The following KSR2 variants were observed in gnomAD, a reference collection of about 807,000 sequenced individuals.
KSR2 encodes kinase suppressor of ras 2.
In KSR2, 25 loss-of-function variants were observed where a neutral mutation model predicts 107.8. That is an observed-to-expected ratio of 0.23 (90% CI 0.17 to 0.32). The LOEUF (loss-of-function observed/expected upper bound fraction) is 0.32, where lower values mean the gene tolerates loss of function less well. Ranked by LOEUF, KSR2 falls within the 10% of genes least tolerant of loss-of-function variation. The pLI is 1.00. For synonymous variants in KSR2, 480 were observed against 507.0 expected, an observed-to-expected ratio of 0.95 and a Z score of 0.71; for missense variants, 887 against 1,268.9, an observed-to-expected ratio of 0.70 and a Z score of 4.57.
rs913628539 is a variant in KSR2, at chr12:117,463,112, C to T, written c.*4087G>A. On this transcript the variant is annotated 3_prime_UTR_variant, in exon 20 of 20. Transcript: ENST00000339824. Reference sequence around the variant, plus strand: ...ATTTTGTTATTATGGCCCCCCTTAGCAAACGAAGAGTTTTAAAGTCCAGGG... The same window carrying T: ...ATTTTGTTATTATGGCCCCCCTTAGTAAACGAAGAGTTTTAAAGTCCAGGG... 6.6e-6 allele frequency: 1 copy of T among 152,244 alleles called. No individual in the cohort carries two copies. The highest frequency in any genetic ancestry group is 2.4e-5 in the African/African-American group (1 of 41,454). 9.4% of individuals were successfully genotyped at this position (152,244 alleles called of 1,614,324 possible).
At chr12:117,587,314 A>C (rs1880062952) in intron 5 of KSR2, among the ~76,000 whole-genome samples, 1 of 152,144 alleles carries the variant, frequency 6.6e-6, no homozygotes, top group Admixed American at 6.5e-5. Flanking sequence ...GGGCCCTTAT[A>C]AGATGGAGGG....
At chr12:117,782,010 T>G (rs562608454) in intron 3 of KSR2, among the ~76,000 whole-genome samples, 1 of 152,256 alleles carries the variant, frequency 6.6e-6, no homozygotes. Context: ...TTAACATCGT[T>G]CCACCCCTAG....
chr12:117,471,012 A>G (rs76287872), intron 18 of KSR2, among the ~76,000 whole-genome samples, 179 bp downstream of exon 18: 2,039 of 152,302 alleles, frequency 0.013, 20 homozygotes, highest in Non-Finnish European at 0.021. Flanking sequence ...AATTGCAGGC[A>G]CAGTGCAGCA....
chr12:117,497,679 A>G (rs1592929307), intron 14 of KSR2, among the ~76,000 whole-genome samples: 1 of 152,156 alleles, frequency 6.6e-6, no homozygotes, highest in Non-Finnish European at 1.5e-5. Flanking sequence ...AATCAGAACC[A>G]CCTGAGATAA....
intron 1 of KSR2, among the ~76,000 whole-genome samples, chr12:117,936,524 T>TAGTAGTAGTAGTAG (rs1566089563): frequency 9.6e-5 from 9 of 93,768 alleles, no homozygotes; most frequent in Non-Finnish European, 1.7e-4. Context: ...ATTATTATTA[T>TAGTAGTAGTAGTAG]TATTATTATT....
intron 1 of KSR2, among the ~76,000 whole-genome samples, chr12:117,950,217 G>A (rs370247729): frequency 2.6e-5 from 4 of 151,998 alleles, no homozygotes; most frequent in South Asian, 2.1e-4. Flanking sequence ...CAGGCAATCC[G>A]CCCACCTCGG....
At chr12:117,711,257 T>C (rs751015437) in intron 4 of KSR2, among the ~76,000 whole-genome samples, 1 of 152,210 alleles carries the variant, frequency 6.6e-6, no homozygotes, top group Non-Finnish European at 1.5e-5. Flanking sequence ...AGATTGAGGA[T>C]GACAGGGTGG....
chr12:117,691,551 G>A (rs1442800043), intron 4 of KSR2, among the ~76,000 whole-genome samples: 2 of 152,186 alleles, frequency 1.3e-5, no homozygotes, highest in African/African-American at 2.4e-5. Flanking sequence ...ATAGACAGAC[G>A]GCTGCCCACT....
intron 3 of KSR2, among the ~76,000 whole-genome samples, chr12:117,849,111 GAAGGAGA>G (rs1263617729): frequency 6.6e-6 from 1 of 152,160 alleles, no homozygotes; most frequent in Non-Finnish European, 1.5e-5. Flanking sequence ...TGAGGACTAA[GAAGGAGA>G]AAGGAGAAAG....
chr12:117,678,284 G>A (rs1405018562), intron 4 of KSR2, among the ~76,000 whole-genome samples: 8 of 151,918 alleles, frequency 5.3e-5, no homozygotes, highest in South Asian at 4.2e-4. Flanking sequence ...GTCCAGATCC[G>A]GAGCCCAGGC....
chr12:117,693,637 T>G (rs1394938456), intron 4 of KSR2, among the ~76,000 whole-genome samples: 1 of 152,178 alleles, frequency 6.6e-6, no homozygotes, highest in Admixed American at 6.5e-5. Context: ...AAGTTGTGCT[T>G]AATAAGTTCT....
At chr12:117,789,831 C>T (rs756870748) in intron 3 of KSR2, among the ~76,000 whole-genome samples, 5 of 152,186 alleles carry the variant, frequency 3.3e-5, no homozygotes, top group Non-Finnish European at 5.9e-5. Context: ...GGTCCCCATC[C>T]CTGCTGAGTA....
At chr12:117,664,795 T>C (rs1478994217) in intron 5 of KSR2, among the ~76,000 whole-genome samples, 2 of 152,118 alleles carry the variant, frequency 1.3e-5, no homozygotes, top group Non-Finnish European at 2.9e-5. Flanking sequence ...TCATGCACCA[T>C]TCTGAGCCTC....
At position 117,682,057 on chromosome 12, in the gene KSR2, G is replaced by T. The variant is rs540279701; in HGVS notation, c.987-14399C>A. 2.6e-5 allele frequency among the ~76,000 whole-genome samples: 4 copies of T among 152,260 alleles called. No homozygotes were observed. The East Asian group carries it at 7.7e-4, about 29-fold the overall frequency. On this transcript the variant is annotated intron_variant, in intron 4 of 19. Coordinates refer to ENST00000339824, the MANE Select transcript of KSR2 (RefSeq NM_173598.6). ...TGATAGACTGGATAAAGAAAATGTGGTACATATACAACGTGGAATACCATG... is the reference window on the plus strand; with the variant it reads ...TGATAGACTGGATAAAGAAAATGTGTTACATATACAACGTGGAATACCATG...
At chr12:117,619,642 G>T (rs971701677) in intron 5 of KSR2, among the ~76,000 whole-genome samples, 4 of 150,164 alleles carry the variant, frequency 2.7e-5, no homozygotes, top group Middle Eastern at 3.2e-3. Flanking sequence ...CTGTATATGT[G>T]AGTGTTGTTA....
At chr12:117,676,593 T>TATA (rs1885131926) in intron 4 of KSR2, among the ~76,000 whole-genome samples, 1 of 152,058 alleles carries the variant, frequency 6.6e-6, no homozygotes. Flanking sequence ...GCTAAAAAAA[T>TATA]GTTAAGTAAA....
chr12:117,666,356 T>G (rs896019878), intron 5 of KSR2, among the ~76,000 whole-genome samples: 2 of 152,166 alleles, frequency 1.3e-5, no homozygotes, highest in Admixed American at 6.5e-5. Flanking sequence ...TAAGAACCCT[T>G]AGATAAAAGT....
chr12:117,730,305 T>C (rs573140673), intron 4 of KSR2, among the ~76,000 whole-genome samples: 2 of 152,306 alleles, frequency 1.3e-5, no homozygotes, highest in East Asian at 1.9e-4. Flanking sequence ...TGATAAAACC[T>C]ACCTCGTGGG....
chr12:117,912,356 T>TGA (rs1250630109), intron 1 of KSR2, among the ~76,000 whole-genome samples: 6 of 152,208 alleles, frequency 3.9e-5, no homozygotes, highest in African/African-American at 1.4e-4. Context: ...ATGATTCAAA[T>TGA]GATGGTATGT....
Sources: gnomAD v4.1 joint callset for allele counts (sites outside exome capture counted in the v4.1 genomes callset) on GRCh38, gnomAD v4.1.1 for gene constraint, MANE v1.5 for transcripts, NCBI Gene and HGNC (gene_info 2026-07-23, HGNC 2026-07-21) for gene names.